The following CLSTN2 variants were observed in gnomAD, a reference collection of about 807,000 sequenced individuals.
CLSTN2 encodes calsyntenin-2.
CLSTN2 carries 48 observed loss-of-function variants against 101.2 expected under a neutral mutation model. That is an observed-to-expected ratio of 0.47 (90% CI 0.38 to 0.60). The LOEUF (loss-of-function observed/expected upper bound fraction) is 0.60. Among genes scored for constraint, CLSTN2 ranks in the 20% least tolerant of loss-of-function variants. The pLI is 0.00. For synonymous variants in CLSTN2, 481 were observed against 463.6 expected (o/e 1.04, Z -0.48); for missense variants, 1,160 against 1,238.2 (o/e 0.94, Z 0.95).
intron 1 of CLSTN2, among the ~76,000 whole-genome samples, chr3:140,086,669 C>T (rs1053466527): frequency 8.5e-5 from 13 of 152,220 alleles, no homozygotes; most frequent in African/African-American, 2.7e-4. Context: ...TCTAAGTGCT[C>T]ATAAACCGTC....
At chr3:139,978,879 G>T (rs1371357615) in intron 1 of CLSTN2, among the ~76,000 whole-genome samples, 1 of 152,164 alleles carries the variant, frequency 6.6e-6, no homozygotes, top group Non-Finnish European at 1.5e-5. Context: ...TCAGACAAGT[G>T]GAACATGGGG....
At chr3:140,259,102 C>T (rs2086627581) in intron 2 of CLSTN2, among the ~76,000 whole-genome samples, 1 of 151,628 alleles carries the variant, frequency 6.6e-6, no homozygotes, top group South Asian at 2.1e-4. Context: ...TCTTAGCCTC[C>T]ATGTATTTTT....
intron 1 of CLSTN2, among the ~76,000 whole-genome samples, chr3:140,083,647 A>C (rs1397896420): frequency 6.6e-6 from 1 of 152,218 alleles, no homozygotes; most frequent in Non-Finnish European, 1.5e-5. Flanking sequence ...CAGAGGCAGA[A>C]CCTGGTGCTT....
chr3:140,455,700 A>T (rs139907931), intron 6 of CLSTN2, among the ~76,000 whole-genome samples: 17 of 152,352 alleles, frequency 1.1e-4, no homozygotes, highest in East Asian at 3.9e-4. Context: ...GTGCTGTATC[A>T]TCACTGCAAG....
At chr3:139,988,377 C>T (rs1214440474) in intron 1 of CLSTN2, among the ~76,000 whole-genome samples, 1 of 152,156 alleles carries the variant, frequency 6.6e-6, no homozygotes, top group Non-Finnish European at 1.5e-5. Flanking sequence ...GTATTGACAG[C>T]ACAACACCAA....
chr3:140,297,829 A>G (rs546968255), intron 2 of CLSTN2, among the ~76,000 whole-genome samples: 1 of 152,332 alleles, frequency 6.6e-6, no homozygotes, highest in African/African-American at 2.4e-5. Flanking sequence ...AACTTCCATC[A>G]TGATGGCTCA....
At chr3:140,220,665 G>C (rs1014399042) in intron 2 of CLSTN2, among the ~76,000 whole-genome samples, 2 of 152,232 alleles carry the variant, frequency 1.3e-5, no homozygotes, top group Non-Finnish European at 2.9e-5. Flanking sequence ...GATAATGTGA[G>C]TGGATTGGCA....
At chr3:140,403,367 G>T (rs1420859874) in intron 2 of CLSTN2, among the ~76,000 whole-genome samples, 2 of 152,168 alleles carry the variant, frequency 1.3e-5, no homozygotes, top group Admixed American at 6.5e-5. Flanking sequence ...AAGCAGTGCT[G>T]CTCATACATT....
At chr3:139,973,400 G>A (rs1018721602) in intron 1 of CLSTN2, among the ~76,000 whole-genome samples, 27 of 152,180 alleles carry the variant, frequency 1.8e-4, no homozygotes, top group African/African-American at 6.5e-4. Context: ...GCTAAAAATT[G>A]GAGGGCTCAT....
chr3:140,170,727 A>G (rs1041668771), intron 1 of CLSTN2, among the ~76,000 whole-genome samples: 54 of 152,200 alleles, frequency 3.5e-4, no homozygotes, highest in African/African-American at 1.3e-3. Context: ...AGACATTGTC[A>G]CTGCCCAGCA....
At chr3:140,216,783 G>A (rs576151349) in intron 2 of CLSTN2, among the ~76,000 whole-genome samples, 3 of 152,130 alleles carry the variant, frequency 2.0e-5, no homozygotes, top group Admixed American at 6.5e-5. Flanking sequence ...AGGTTTTGGT[G>A]GTAATGGATG....
intron 6 of CLSTN2, among the ~76,000 whole-genome samples, chr3:140,457,703 A>G (rs1030224388): frequency 1.3e-5 from 2 of 152,182 alleles, no homozygotes; most frequent in Non-Finnish European, 2.9e-5. Flanking sequence ...GGACCCACCT[A>G]AGCATTGGGT....
intron 2 of CLSTN2, among the ~76,000 whole-genome samples, chr3:140,328,281 C>T (rs1447960240): frequency 7.2e-5 from 11 of 152,124 alleles, no homozygotes; most frequent in African/African-American, 1.7e-4. Context: ...CCACACACCA[C>T]GATAATCAGC....
At chr3:140,106,000 C>T (rs968766737) in intron 1 of CLSTN2, among the ~76,000 whole-genome samples, 24 of 152,300 alleles carry the variant, frequency 1.6e-4, no homozygotes, top group South Asian at 4.1e-4. Flanking sequence ...ATCGGCAGAA[C>T]GTGGTAACTT....
At chr3:140,367,568 T>TTTGGAA (rs2087806686) in intron 2 of CLSTN2, among the ~76,000 whole-genome samples, 1 of 150,606 alleles carries the variant, frequency 6.6e-6, no homozygotes, top group Non-Finnish European at 1.5e-5. Flanking sequence ...GGGAAATGTA[T>TTTGGAA]TTGGAACTTG....
At chr3:140,126,605 G>C (rs1414903863) in intron 1 of CLSTN2, among the ~76,000 whole-genome samples, 2 of 152,154 alleles carry the variant, frequency 1.3e-5, no homozygotes, top group Non-Finnish European at 2.9e-5. Context: ...TGGAGATCAG[G>C]GAGGGATACT....
intron 2 of CLSTN2, among the ~76,000 whole-genome samples, chr3:140,369,109 A>G (rs988194401): frequency 1.3e-5 from 2 of 152,190 alleles, no homozygotes; most frequent in South Asian, 4.1e-4. Context: ...CACCTCAAGT[A>G]GAGGTTCAGT....
chr3:139,999,962 A>G (rs1421907686), intron 1 of CLSTN2, among the ~76,000 whole-genome samples: 1 of 151,986 alleles, frequency 6.6e-6, no homozygotes. Flanking sequence ...CTCAAAAAAA[A>G]AAAAAAATTA....
At chr3:140,386,707 T>C (rs1243399349) in intron 2 of CLSTN2, among the ~76,000 whole-genome samples, 2 of 152,156 alleles carry the variant, frequency 1.3e-5, no homozygotes, top group African/African-American at 2.4e-5. Context: ...TGGACAGCTC[T>C]GGTTCTCAAT....
Sources: allele counts gnomAD v4.1 joint callset (sites outside exome capture counted in the v4.1 genomes callset), GRCh38; gene constraint gnomAD v4.1.1; transcripts MANE v1.5; gene names NCBI Gene and HGNC (gene_info 2026-07-23, HGNC 2026-07-21).